The following ERGIC1 variants were observed in gnomAD, a reference collection of about 807,000 sequenced individuals.
ERGIC1 encodes the protein endoplasmic reticulum-golgi intermediate compartment 1, also known as endoplasmic reticulum-Golgi intermediate compartment protein 1.
Under a neutral mutation model 38.3 loss-of-function variants are expected in ERGIC1, and 19 were observed. The observed-to-expected ratio is 0.50, with a 90% CI of 0.35 to 0.73. The LOEUF is 0.73. ERGIC1 is among the 30% of genes least tolerant of loss of function. ERGIC1 has a pLI of 0.01. For synonymous variants in ERGIC1, 124 were observed against 157.6 expected, an observed-to-expected ratio of 0.79 and a Z score of 1.60; for missense variants, 294 against 389.2, an observed-to-expected ratio of 0.76 and a Z score of 2.06.
chr5:172,913,083 T>A (rs1472378850), intron 4 of ERGIC1, among the ~76,000 whole-genome samples: 1 of 152,222 alleles, frequency 6.6e-6, no homozygotes, highest in East Asian at 1.9e-4. Context: ...TACTTTTCTT[T>A]AACCCTCACA....
At position 172,845,445 on chromosome 5, in the gene ERGIC1, G is replaced by A. The variant is rs138471485; in HGVS notation, c.20+11012G>A. Reference sequence around the variant, plus strand: ...CTCTTGCCGGAGGATGCTCTGGCCAGTCCCCAGGGCCCCTGTCCACAGACC... The same window carrying A: ...CTCTTGCCGGAGGATGCTCTGGCCAATCCCCAGGGCCCCTGTCCACAGACC... On this transcript the variant is annotated intron_variant, in intron 1 of 9. Transcript: ENST00000393784. 5.8e-3 allele frequency among the ~76,000 whole-genome samples: 891 copies of A among 152,312 alleles called. 7 individuals carry two copies. Among genetic ancestry groups the A allele is most frequent in the African/African-American group, 0.02 (831 of 41,574 alleles).
intron 1 of ERGIC1, among the ~76,000 whole-genome samples, chr5:172,863,688 A>G (rs1761778001): frequency 6.6e-6 from 1 of 152,294 alleles, no homozygotes; most frequent in South Asian, 2.1e-4. Context: ...GAAAGAAAAA[A>G]ACCAAACGTG....
At chr5:172,901,843 C>T (rs373929844) in intron 3 of ERGIC1, among the ~76,000 whole-genome samples, 3 of 152,280 alleles carry the variant, frequency 2.0e-5, no homozygotes, top group African/African-American at 7.2e-5. Flanking sequence ...TCAAGCAATT[C>T]TCCCACCTTG....
At chr5:172,882,741 C>T (rs1410395625) in intron 1 of ERGIC1, among the ~76,000 whole-genome samples, 1 of 152,144 alleles carries the variant, frequency 6.6e-6, no homozygotes, top group Non-Finnish European at 1.5e-5. Context: ...TCTCACCTCC[C>T]TCTTAGAGCG....
chr5:172,940,793 T>A (rs535677946), intron 9 of ERGIC1, among the ~76,000 whole-genome samples: 4 of 152,322 alleles, frequency 2.6e-5, no homozygotes, highest in African/African-American at 7.2e-5. Flanking sequence ...CCCACAGACG[T>A]TCCTCTCTGC....
In ERGIC1 at chr5:172,922,018, C is replaced by G. The variant is rs190490716; in HGVS notation, c.376-1987C>G. On this transcript the variant is annotated intron_variant, in intron 5 of 9. Coordinates refer to ENST00000393784, the MANE Select transcript of ERGIC1 (RefSeq NM_001031711.3). ...GGCCAGGGTGGATCCCACAGAGTCTCATTGTCTGTTCCAAGTCTGTGTCAC... is the reference window on the plus strand; with the variant it reads ...GGCCAGGGTGGATCCCACAGAGTCTGATTGTCTGTTCCAAGTCTGTGTCAC... 437 of 152,894 alleles carry G rather than the reference C, an allele frequency of 2.9e-3. 5 individuals are homozygous for G. Among genetic ancestry groups the G allele is most frequent in the Admixed American group, 0.027 (410 of 15,350 alleles). The allele number at this position is 152,894 out of a possible 1,614,324, so 9.5% of individuals were successfully genotyped here.
intron 9 of ERGIC1, chr5:172,936,522 G>C (rs1328704500): frequency 2.0e-5 from 3 of 152,210 alleles, no homozygotes; most frequent in African/African-American, 7.2e-5. Context: ...AAGAGAAAAG[G>C]CAGGGGCCAG....
intron 1 of ERGIC1, among the ~76,000 whole-genome samples, chr5:172,858,369 G>A (rs1761609103): frequency 6.6e-6 from 1 of 152,236 alleles, no homozygotes; most frequent in Non-Finnish European, 1.5e-5. Context: ...ACAGGGTGGT[G>A]AGCAGATCCT....
intron 3 of ERGIC1, chr5:172,906,027 C>G (rs1287520366): frequency 2.2e-6 from 1 of 455,902 alleles, no homozygotes. Flanking sequence ...GTCACCTTCC[C>G]CAGCTAGGGT....
intron 9 of ERGIC1, among the ~76,000 whole-genome samples, chr5:172,944,094 A>T (rs925693089): frequency 4.6e-5 from 7 of 152,056 alleles, no homozygotes; most frequent in African/African-American, 1.7e-4. Context: ...CTGCCCTCAG[A>T]CTCACTGGGG....
chr5:172,946,173 CTCCCA>C (rs1370336071), intron 9 of ERGIC1, among the ~76,000 whole-genome samples: 1 of 152,164 alleles, frequency 6.6e-6, no homozygotes, highest in Non-Finnish European at 1.5e-5. Context: ...AGGTGCACAC[CTCCCA>C]GCCCCAGCTT....
chr5:172,879,133 C>T (rs1017548753), intron 1 of ERGIC1, among the ~76,000 whole-genome samples: 1 of 152,170 alleles, frequency 6.6e-6, no homozygotes, highest in African/African-American at 2.4e-5. Flanking sequence ...ATCCGAGATT[C>T]GTCTGCAAGA....
At chr5:172,850,246 G>A (rs1227864806) in intron 1 of ERGIC1, among the ~76,000 whole-genome samples, 3 of 152,238 alleles carry the variant, frequency 2.0e-5, no homozygotes, top group Non-Finnish European at 2.9e-5. Context: ...TCAGAGCTGA[G>A]TTAACCCTGA....
intron 1 of ERGIC1, among the ~76,000 whole-genome samples, chr5:172,838,277 TC>T (rs1761080993): frequency 6.6e-6 from 1 of 151,952 alleles, no homozygotes; most frequent in Non-Finnish European, 1.5e-5. Context: ...AAATGTGGAG[TC>T]CCTTGTTGAA....
chr5:172,932,442 C>T lies in ERGIC1; in HGVS notation c.548C>T (p.Ala183Val). ...GADRLTSNPLASHDYILKIVP... is the reference protein window; with the variant it reads ...GADRLTSNPLVSHDYILKIVP... ...TGCTGTGTCCTTCCCGCAGCCCTGGCCTCCCACGACTACATCCTGAAGATT... is the reference window on the plus strand; with the variant it reads ...TGCTGTGTCCTTCCCGCAGCCCTGGTCTCCCACGACTACATCCTGAAGATT... Residue 183 changes from alanine to valine, a missense_variant, in exon 8 of 10, where the codon GCC (alanine) becomes GTC (valine). Physicochemically the swap from Ala to Val is moderately conservative, Grantham distance 64 (BLOSUM62 0). Transcript: ENST00000393784. 6.2e-7 allele frequency: 1 copy of T among 1,614,146 alleles called. No homozygotes were observed.
At position 172,914,766 on chromosome 5, in the gene ERGIC1, C is replaced by G. The variant is rs368325900; in HGVS notation, c.303C>G (p.Ile101Met). ...DEMGRHEVGH[I>M]DNSMKIPLNN... ...TGGGCAGGCACGAAGTGGGCCACAT[C>G]GACAACTCCATGAAGATCCCGCTGA... The change falls in exon 5 of 10, where the codon ATC becomes ATG. Residue 101 changes from isoleucine to methionine, a missense_variant. Ile to Met is a conservative substitution (Grantham distance 10, BLOSUM62 1). This residue lies in a region of ERGIC1 where 163 missense variants were observed against 225.8 expected (regional missense o/e 0.72). Coordinates refer to ENST00000393784, the MANE Select transcript of ERGIC1 (RefSeq NM_001031711.3). The G allele has an allele frequency of 9.9e-6, 16 of 1,614,038 alleles. No homozygotes were observed. The highest frequency in any genetic ancestry group is 1.7e-5 in the Admixed American group (1 of 59,998).
chr5:172,857,948 G>A (rs1761596231), intron 1 of ERGIC1, among the ~76,000 whole-genome samples: 1 of 152,122 alleles, frequency 6.6e-6, no homozygotes, highest in African/African-American at 2.4e-5. Flanking sequence ...GGCACTGCGA[G>A]ACTCGGTGGT....
In ERGIC1 at chr5:172,952,237, A is replaced by G. The variant is rs1422925993; in HGVS notation, c.*1421A>G. The G allele has an allele frequency of 2.0e-5, 3 of 152,238 alleles. No homozygotes were observed. The highest frequency in any genetic ancestry group is 4.4e-5 in the Non-Finnish European group (3 of 68,038). 9.4% of individuals were successfully genotyped at this position (152,238 alleles called of 1,614,324 possible). The stretch of plus-strand genomic sequence containing the variant: ...GGATTTTTAAAATTATCTTATGGAT[A>G]GCTCAAGTCTCTGCCATTTGTAATT... On this transcript the variant is annotated 3_prime_UTR_variant, in exon 10 of 10. Coordinates refer to ENST00000393784, the MANE Select transcript of ERGIC1 (RefSeq NM_001031711.3).
intron 8 of ERGIC1, chr5:172,934,286 C>T (rs905313335): frequency 3.3e-5 from 5 of 152,304 alleles, no homozygotes; most frequent in African/African-American, 4.8e-5. Flanking sequence ...GACTTTAGCA[C>T]CTTGAAGTGC....
Sources: gnomAD v4.1 joint callset for allele counts (sites outside exome capture counted in the v4.1 genomes callset) on GRCh38, gnomAD v4.1.1 for gene constraint, gnomAD v4.1.1 regional missense constraint, MANE v1.5 for transcripts, NCBI Gene and HGNC (gene_info 2026-07-23, HGNC 2026-07-21) for gene names.